PCDHA1: variants seen among roughly 807,000 people sequenced by gnomAD.
PCDHA1 encodes protocadherin alpha 1.
A neutral mutation model predicts 61.3 loss-of-function variants in PCDHA1; 42 were observed. The observed-to-expected ratio is 0.69, with a 90% CI of 0.54 to 0.89. The LOEUF is 0.89. Ranked by LOEUF, PCDHA1 falls within the 40% of genes least tolerant of loss-of-function variation. The pLI is 0.00. For synonymous variants in PCDHA1, 610 were observed against 553.8 expected (o/e 1.10, Z -1.43); for missense variants, 1,256 against 1,235.3 (o/e 1.02, Z -0.25).
At chr5:140,882,646 T>C (rs1554175002) in intron 1 of PCDHA1, 1 of 1,614,112 alleles carries the variant, frequency 6.2e-7, no homozygotes, top group South Asian at 1.1e-5. Flanking sequence ...TGAGGGACAT[T>C]AACGACAACC....
At chr5:140,918,428 T>C (rs2078691655) in intron 1 of PCDHA1, among the ~76,000 whole-genome samples, 1 of 152,194 alleles carries the variant, frequency 6.6e-6, no homozygotes, top group African/African-American at 2.4e-5. Context: ...AGTAGGATGT[T>C]GAATAGGAGT....
chr5:140,835,506 T>A (rs1261915665), intron 1 of PCDHA1: 2 of 1,613,822 alleles, frequency 1.2e-6, no homozygotes, highest in Non-Finnish European at 1.7e-6. Flanking sequence ...GATTAGCGTG[T>A]TTGACCGAGA....
chr5:140,841,716 T>G lies in PCDHA1; in HGVS notation c.2394+53032T>G, dbSNP rs1554138489. The G allele has an allele frequency of 6.2e-7, 1 of 1,613,904 alleles. No homozygotes were observed. Among genetic ancestry groups the G allele is most frequent in the Admixed American group, 1.7e-5 (1 of 59,998 alleles). ...AAGGATGTTAATGACAACCCGCCAG[T>G]GTTCCGGGTAAAAGACCAAAAGCTG... On this transcript the variant is annotated intron_variant, in intron 1 of 3. Transcript: ENST00000504120.
At chr5:140,853,040 G>C in intron 1 of PCDHA1, 2 of 265,518 alleles carry the variant, frequency 7.5e-6, no homozygotes, top group Non-Finnish European at 1.2e-5. Context: ...CACCATGCCC[G>C]CCTAATTTTT....
At chr5:140,830,211 T>C (rs2150182802) in intron 1 of PCDHA1, 1 of 1,613,792 alleles carries the variant, frequency 6.2e-7, no homozygotes, top group South Asian at 1.1e-5. Flanking sequence ...ATCTGCGCGG[T>C]ATCCAGCCTG....
intron 1 of PCDHA1, among the ~76,000 whole-genome samples, chr5:140,791,603 A>G (rs1554118697): frequency 6.6e-6 from 1 of 152,210 alleles, no homozygotes; most frequent in Non-Finnish European, 1.5e-5. Flanking sequence ...ACAACAGGAA[A>G]TACAACTGTA....
intron 1 of PCDHA1, chr5:140,848,788 G>T: frequency 6.3e-7 from 1 of 1,593,178 alleles, no homozygotes; most frequent in Non-Finnish European, 8.6e-7. Flanking sequence ...CTGTGCGGGC[G>T]GAGCGCGGAG....
At chr5:140,981,392 G>A (rs565370456) in intron 2 of PCDHA1, among the ~76,000 whole-genome samples, 1 of 152,208 alleles carries the variant, frequency 6.6e-6, no homozygotes, top group South Asian at 2.1e-4. Context: ...TGGTCAATAT[G>A]GTGAAAACCT....
chr5:140,959,031 G>A (rs1554223798), intron 1 of PCDHA1, among the ~76,000 whole-genome samples: 1 of 151,806 alleles, frequency 6.6e-6, no homozygotes, highest in Non-Finnish European at 1.5e-5. Flanking sequence ...CTTTATCATG[G>A]GTATGTATGT....
chr5:140,808,294 C>G (rs942791264), intron 1 of PCDHA1: 13 of 1,614,156 alleles, frequency 8.1e-6, no homozygotes, highest in Middle Eastern at 3.3e-4. Flanking sequence ...GTACAGTCAT[C>G]GCCCTGATCA....
intron 1 of PCDHA1, chr5:140,825,657 G>A (rs2150140571): frequency 6.6e-6 from 1 of 152,030 alleles, no homozygotes; most frequent in East Asian, 1.9e-4. Context: ...CCTAATCTCA[G>A]GTGATTTACC....
At chr5:140,883,376 G>C in intron 1 of PCDHA1, 1 of 1,614,116 alleles carries the variant, frequency 6.2e-7, no homozygotes, top group Non-Finnish European at 8.5e-7. Context: ...CGCCATTATT[G>C]CCCTAATCAG....
intron 1 of PCDHA1, among the ~76,000 whole-genome samples, chr5:140,978,222 G>C (rs997273847): frequency 6.6e-6 from 1 of 152,180 alleles, no homozygotes; most frequent in South Asian, 2.1e-4. Flanking sequence ...AATGTATCAG[G>C]TTTTTCTTGG....
intron 1 of PCDHA1, among the ~76,000 whole-genome samples, chr5:140,905,368 T>C (rs536118800): frequency 6.6e-6 from 1 of 152,218 alleles, no homozygotes; most frequent in African/African-American, 2.4e-5. Flanking sequence ...TATTTCTGGT[T>C]CTCTGTTCTG....
At chr5:140,857,676 C>T (rs1178476676) in intron 1 of PCDHA1, 1 of 1,596,974 alleles carries the variant, frequency 6.3e-7, no homozygotes, top group Non-Finnish European at 8.6e-7. Context: ...GGCGTGCCGC[C>T]TCTGGGCAGC....
chr5:140,850,892 G>A (rs2041866822), intron 1 of PCDHA1: 1 of 1,577,404 alleles, frequency 6.3e-7, no homozygotes, highest in South Asian at 1.1e-5. Flanking sequence ...CTGGGAAGGT[G>A]GGTTTTTCTA....
At chr5:140,796,333 C>T in intron 1 of PCDHA1, 3 of 1,610,138 alleles carry the variant, frequency 1.9e-6, no homozygotes, top group African/African-American at 2.7e-5. Context: ...GGCGTTCGCA[C>T]AGCCTGAGTA....
chr5:140,813,911 A>G (rs1765400735), intron 1 of PCDHA1: 1 of 152,288 alleles, frequency 6.6e-6, no homozygotes, highest in Non-Finnish European at 1.5e-5. Flanking sequence ...AAGTGGGAGG[A>G]TCCTTGACTT....
At chr5:140,883,504 C>G in intron 1 of PCDHA1, 1 of 1,614,172 alleles carries the variant, frequency 6.2e-7, no homozygotes, top group East Asian at 2.2e-5. Context: ...TGGACAGCGC[C>G]CTGGACCGCG....
Sources: allele counts gnomAD v4.1 joint callset (sites outside exome capture counted in the v4.1 genomes callset), GRCh38; gene constraint gnomAD v4.1.1; transcripts MANE v1.5; gene names NCBI Gene and HGNC (gene_info 2026-07-23, HGNC 2026-07-21).